MGAT4C: variants seen among roughly 807,000 people sequenced by gnomAD.
MGAT4C encodes the protein MGAT4 family member C, also known as alpha-1,3-mannosyl-glycoprotein 4-beta-N-acetylglucosaminyltransferase C.
Under a neutral mutation model 40.1 loss-of-function variants are expected in MGAT4C, and 19 were observed. The observed-to-expected ratio is 0.47, with a 90% CI of 0.33 to 0.70. MGAT4C has a LOEUF of 0.70. MGAT4C is among the 30% of genes least tolerant of loss of function. The pLI is 0.02. For missense variants in MGAT4C, 491 were observed against 563.2 expected (o/e 0.87, Z 1.30); for synonymous variants, 181 against 187.1 (o/e 0.97, Z 0.27).
At chr12:86,687,285 C>G (rs191907655) in intron 2 of MGAT4C, among the ~76,000 whole-genome samples, 1 of 152,128 alleles carries the variant, frequency 6.6e-6, no homozygotes, top group East Asian at 1.9e-4. Flanking sequence ...TTCAAAAAAC[C>G]AGCTCCTGGA....
intron 2 of MGAT4C, among the ~76,000 whole-genome samples, chr12:86,631,483 C>G (rs1963042546): frequency 6.6e-6 from 1 of 152,154 alleles, no homozygotes; most frequent in South Asian, 2.1e-4. Flanking sequence ...CTGGAGGCAT[C>G]ATGCTACCTG....
At position 86,274,613 on chromosome 12, in the gene MGAT4C, T is replaced by C. The variant is rs114507612; in HGVS notation, c.-57+59452A>G. On this transcript the variant is annotated intron_variant, in intron 4 of 7. Coordinates refer to the MGAT4C transcript ENST00000548651. ...CTGCTAGACAATAACCAAGAACTCC[T>C]GGGCAGATTTACAGATGGAATGTTC... Among the ~76,000 whole-genome samples the C allele has an allele frequency of 7.8e-3, 1,188 of 152,278 alleles. 14 individuals carry two copies. The highest frequency in any genetic ancestry group is 0.027 in the African/African-American group (1,121 of 41,568).
chr12:86,049,148 T>C (rs1239408032), intron 2 of MGAT4C, among the ~76,000 whole-genome samples: 1 of 152,046 alleles, frequency 6.6e-6, no homozygotes, highest in Non-Finnish European at 1.5e-5. Flanking sequence ...AATACAATAA[T>C]AAAAATTGCT....
At chr12:86,190,363 T>C (rs1301341135) in intron 1 of MGAT4C, among the ~76,000 whole-genome samples, 3 of 152,144 alleles carry the variant, frequency 2.0e-5, no homozygotes, top group African/African-American at 7.2e-5. Context: ...TTTTCTTTGA[T>C]AATCAAATTG....
intron 1 of MGAT4C, among the ~76,000 whole-genome samples, chr12:86,785,159 T>C (rs1046340046): frequency 2.0e-5 from 3 of 152,084 alleles, no homozygotes; most frequent in South Asian, 4.1e-4. Flanking sequence ...TCATGCACTA[T>C]TTATCATTCA....
intron 1 of MGAT4C, among the ~76,000 whole-genome samples, chr12:86,143,968 C>T (rs966764935): frequency 3.9e-5 from 6 of 152,048 alleles, no homozygotes; most frequent in Non-Finnish European, 7.4e-5. Context: ...GTTGATTTAT[C>T]CTTTGTGATG....
intron 2 of MGAT4C, among the ~76,000 whole-genome samples, chr12:86,516,115 A>T (rs1958683367): frequency 6.6e-6 from 1 of 152,136 alleles, no homozygotes; most frequent in Non-Finnish European, 1.5e-5. Context: ...CAGATTCTAA[A>T]ATTCACATAG....
chr12:86,618,109 A>G (rs1191222329), intron 2 of MGAT4C, among the ~76,000 whole-genome samples: 4 of 152,204 alleles, frequency 2.6e-5, no homozygotes, highest in African/African-American at 9.6e-5. Flanking sequence ...AGGGAAATGC[A>G]AATCAAAACC....
chr12:86,539,773 T>G (rs1277479288), intron 2 of MGAT4C, among the ~76,000 whole-genome samples: 39 of 152,172 alleles, frequency 2.6e-4, no homozygotes, highest in Admixed American at 2.2e-3. Flanking sequence ...GATGGCCAGT[T>G]ATGATGAGCA....
chr12:86,762,552 G>T (rs1951426645), intron 1 of MGAT4C, among the ~76,000 whole-genome samples: 1 of 152,102 alleles, frequency 6.6e-6, no homozygotes, highest in South Asian at 2.1e-4. Flanking sequence ...ACCAACAAGG[G>T]ACAATTTCTC....
At chr12:86,364,076 T>C (rs1955541389) in intron 3 of MGAT4C, among the ~76,000 whole-genome samples, 1 of 151,840 alleles carries the variant, frequency 6.6e-6, no homozygotes, top group Admixed American at 6.6e-5. Context: ...TTAAGTATCC[T>C]CCAAGAAAAT....
chr12:86,069,883 A>G (rs532413809), intron 1 of MGAT4C, among the ~76,000 whole-genome samples: 1 of 152,224 alleles, frequency 6.6e-6, no homozygotes, highest in South Asian at 2.1e-4. Flanking sequence ...CTTTATTAAA[A>G]TGGAAGTCAG....
chr12:86,132,364 C>CT (rs11427959), intron 1 of MGAT4C, among the ~76,000 whole-genome samples: 18,020 of 151,024 alleles, frequency 0.12, 1,792 homozygotes, highest in East Asian at 0.32. Context: ...AGACGATTCT[C>CT]TTTTTTTTTG....
intron 2 of MGAT4C, among the ~76,000 whole-genome samples, chr12:86,476,599 A>C (rs1270625678): frequency 1.3e-5 from 2 of 152,138 alleles, no homozygotes; most frequent in Non-Finnish European, 2.9e-5. Context: ...AAAGGAAAAA[A>C]AAAATTTATC....
chr12:86,507,095 A>T (rs1958484511), intron 2 of MGAT4C, among the ~76,000 whole-genome samples: 1 of 152,320 alleles, frequency 6.6e-6, no homozygotes, highest in African/African-American at 2.4e-5. Context: ...TTTTAAAGTT[A>T]TTATGGCAAA....
At chr12:86,223,559 G>A (rs1366700116) in intron 1 of MGAT4C, among the ~76,000 whole-genome samples, 5 of 152,026 alleles carry the variant, frequency 3.3e-5, no homozygotes, top group African/African-American at 4.8e-5. Context: ...GCAGGCCCGC[G>A]GTGTACCCAC....
chr12:86,737,676 C>T (rs1280631901), intron 1 of MGAT4C, among the ~76,000 whole-genome samples: 1 of 151,296 alleles, frequency 6.6e-6, no homozygotes, highest in African/African-American at 2.4e-5. Flanking sequence ...AGAACAGAGA[C>T]CTTCACATCC....
At chr12:86,033,310 A>G (rs1890929338) in intron 2 of MGAT4C, among the ~76,000 whole-genome samples, 1 of 149,372 alleles carries the variant, frequency 6.7e-6, no homozygotes, top group South Asian at 2.1e-4. Flanking sequence ...AAAGAATGCC[A>G]TTTGTAGTTT....
rs1952519796 is a variant in MGAT4C at position 86,256,364 on chromosome 12, T to A, written c.-182A>T. On this transcript the variant is annotated 5_prime_UTR_variant, in exon 1 of 5. It removes an upstream start codon present in the reference 5' UTR. Coordinates refer to ENST00000611864, the MANE Select transcript of MGAT4C (RefSeq NM_001351288.2). ...GGCTCTCAATGAAGAGATGTAAACA[T>A]CCATCATAATGGCACTGTGCTGAAA... 6.6e-6 allele frequency: 1 copy of A among 152,118 alleles called. No homozygotes were observed. Among genetic ancestry groups the A allele is most frequent in the Admixed American group, 6.6e-5 (1 of 15,250 alleles). The allele number at this position is 152,118 out of a possible 1,614,324, so 9.4% of individuals were successfully genotyped here.
Sources: allele counts gnomAD v4.1 joint callset (sites outside exome capture counted in the v4.1 genomes callset), GRCh38; gene constraint gnomAD v4.1.1; transcripts MANE v1.5; gene names NCBI Gene and HGNC (gene_info 2026-07-23, HGNC 2026-07-21).